The following FAM131B variants were observed in gnomAD, a reference collection of about 807,000 sequenced individuals.
FAM131B encodes family with sequence similarity 131 member B, also known as protein FAM131B.
In FAM131B, 19 loss-of-function variants were observed where a neutral mutation model predicts 42.0. That is an observed-to-expected ratio of 0.45 (90% CI 0.32 to 0.66). The LOEUF (loss-of-function observed/expected upper bound fraction) is 0.66. Ranked by LOEUF, FAM131B falls within the 30% of genes least tolerant of loss-of-function variation. The probability of loss-of-function intolerance (pLI) is 0.05; values close to 1 mark genes in which losing one functional copy is unlikely to be tolerated. For missense variants in FAM131B, 370 were observed against 468.4 expected (o/e 0.79, Z 1.94); for synonymous variants, 183 against 177.6 (o/e 1.03, Z -0.24).
the FAM131B span, among the ~76,000 whole-genome samples, chr7:143,371,184 C>T: frequency 4.6e-5 from 7 of 152,128 alleles, no homozygotes; most frequent in African/African-American, 7.2e-5. Context: ...CCTGCTGTCA[C>T]GGAGCTTATA....
Position 143,356,216 on chromosome 7 carries a change from A to G in FAM131B, c.*334T>C. On this transcript the variant is annotated 3_prime_UTR_variant, in exon 7 of 7. Coordinates refer to ENST00000443739, the MANE Select transcript of FAM131B (RefSeq NM_001031690.3). The surrounding 1 kb of genome is among the most constrained non-coding windows in gnomAD (Gnocchi z 4.4). Reference sequence around the variant, plus strand: ...CGTGAAGAACTGAGATCCAGTCTTGAGCACAGCTGCGCTGCCCCCGTCCTC... The same window carrying G: ...CGTGAAGAACTGAGATCCAGTCTTGGGCACAGCTGCGCTGCCCCCGTCCTC... 1 of 311,852 alleles carries G rather than the reference A, an allele frequency of 3.2e-6. No individual in the cohort carries two copies. The highest frequency in any genetic ancestry group is 5.8e-5 in the East Asian group (1 of 17,322). The allele number at this position is 311,852 out of a possible 1,614,324, so 19.3% of individuals were successfully genotyped here. A position where few individuals can be genotyped will look rare whatever the true frequency, so the allele number is the denominator to read the frequency against.
At chr7:143,365,611 G>C (rs1675886416), upstream of FAM131B, among the ~76,000 whole-genome samples, 1 of 152,024 alleles carries the variant, frequency 6.6e-6, no homozygotes, top group Non-Finnish European at 1.5e-5. Context: ...ATTTTGTTTT[G>C]TTTTGTTTTT....
the FAM131B span, chr7:143,380,946 G>T: frequency 2.9e-6 from 1 of 343,198 alleles, no homozygotes; most frequent in Non-Finnish European, 4.1e-6. The surrounding 1 kb of genome is among the most constrained non-coding windows in gnomAD (Gnocchi z 5.0). Context: ...CTACCTCGGC[G>T]GCACCCGCCC....
Position 143,359,320 on chromosome 7 carries a change from T to A in FAM131B, c.268+6A>T, listed in dbSNP as rs1803836829. Reference sequence around the variant, plus strand: ...TCTGAAGGCATTCTTACATCAGGAGTCTCACCTGAGAATGATGACTTGGCC... The same window carrying A: ...TCTGAAGGCATTCTTACATCAGGAGACTCACCTGAGAATGATGACTTGGCC... On this transcript the variant is annotated splice_donor_region_variant and intron_variant, in intron 4 of 6. Coordinates refer to ENST00000443739, the MANE Select transcript of FAM131B (RefSeq NM_001031690.3). This position sits in a 1 kb window ranked among gnomAD's most constrained non-coding sequence, Gnocchi z 5.4. The A allele has an allele frequency of 6.2e-7, 1 of 1,602,916 alleles. No individual in the cohort carries two copies.
At chr7:143,363,818 G>C (rs1163261901), upstream of FAM131B, 1 of 152,254 alleles carries the variant, frequency 6.6e-6, no homozygotes, top group Non-Finnish European at 1.5e-5. Context: ...GTTGCAGAGA[G>C]AGAAGGCAAT....
Position 143,358,121 on chromosome 7 carries a change from T to G in FAM131B, c.467-698A>C, listed in dbSNP as rs958222619. ...GGGGATGGGTAGACCTGGGGATCCCTATTCTAGTCAAATCCATGAGCGTGT... is the reference window on the plus strand; with the variant it reads ...GGGGATGGGTAGACCTGGGGATCCCGATTCTAGTCAAATCCATGAGCGTGT... On this transcript the variant is annotated intron_variant, in intron 5 of 6. Coordinates refer to ENST00000443739, the MANE Select transcript of FAM131B (RefSeq NM_001031690.3). This position sits in a 1 kb window ranked among gnomAD's most constrained non-coding sequence, Gnocchi z 4.7. Among the ~76,000 whole-genome samples, 1 of 152,138 alleles carries G rather than the reference T, an allele frequency of 6.6e-6. No homozygotes were observed. The highest frequency in any genetic ancestry group is 1.5e-5 in the Non-Finnish European group (1 of 68,026).
Position 143,356,589 on chromosome 7 carries a change from C to T in FAM131B, c.1044G>A (p.Val348=). The change falls in exon 7 of 7, where the codon GTG becomes GTA. Residue 348 remains valine, a synonymous_variant. Coordinates refer to ENST00000443739, the MANE Select transcript of FAM131B (RefSeq NM_001031690.3). The surrounding 1 kb of genome is among the most constrained non-coding windows in gnomAD (Gnocchi z 4.4). ...CGCCTTCCTCCTCATCAAAGGACTG[C>T]ACACCTGAGGATGTGACGTCAGACA... ...RKVSDVTSSG[V]QSFDEEEGEA... 9 of 1,613,948 alleles carry T rather than the reference C, an allele frequency of 5.6e-6. No homozygotes were observed. The highest frequency in any genetic ancestry group is 7.6e-6 in the Non-Finnish European group (9 of 1,180,002).
At chr7:143,382,217 C>T in the FAM131B span, 1 of 1,596,768 alleles carries the variant, frequency 6.3e-7, no homozygotes. Context: ...TAGAGGGACC[C>T]CGGCCGACGT....
chr7:143,380,923 A>T, the FAM131B span: 3 of 441,756 alleles, frequency 6.8e-6, no homozygotes, highest in Non-Finnish European at 9.0e-6. This position sits in a 1 kb window ranked among gnomAD's most constrained non-coding sequence, Gnocchi z 5.0. Flanking sequence ...GGAGGCGCAC[A>T]GGGGCTGCGT....
chr7:143,371,494 G>C, the FAM131B span, among the ~76,000 whole-genome samples: 5 of 151,570 alleles, frequency 3.3e-5, no homozygotes, highest in African/African-American at 1.2e-4. Context: ...CATGCCTGTG[G>C]TCCCAGCTAC....
At chr7:143,367,195 G>A (rs1586547460), upstream of FAM131B, among the ~76,000 whole-genome samples, 1 of 152,348 alleles carries the variant, frequency 6.6e-6, no homozygotes, top group African/African-American at 2.4e-5. Context: ...GGATGGCTCA[G>A]CCAGTTAGTT....
chr7:143,372,976 T>A, the FAM131B span, among the ~76,000 whole-genome samples: 5 of 151,684 alleles, frequency 3.3e-5, no homozygotes, highest in East Asian at 1.9e-4. Flanking sequence ...CATTAAAAAA[T>A]AATAATAATA....
chr7:143,376,835 G>C, the FAM131B span, among the ~76,000 whole-genome samples: 1 of 152,108 alleles, frequency 6.6e-6, no homozygotes, highest in African/African-American at 2.4e-5. Context: ...AAGATACAAC[G>C]GCTCTTTCAT....
At chr7:143,381,087 G>C in the FAM131B span, 3 of 564,450 alleles carry the variant, frequency 5.3e-6, no homozygotes, top group South Asian at 7.7e-5. Flanking sequence ...GGTCTGAGCC[G>C]GGCTGGGGCG....
the FAM131B span, chr7:143,380,552 C>T: frequency 3.0e-6 from 3 of 985,480 alleles, no homozygotes; most frequent in Non-Finnish European, 3.6e-6. The surrounding 1 kb of genome is among the most constrained non-coding windows in gnomAD (Gnocchi z 5.0). Flanking sequence ...CCGCCTCGGC[C>T]CCGCCCTCCC....
upstream of FAM131B, among the ~76,000 whole-genome samples, chr7:143,364,412 T>C (rs992309152): frequency 8.5e-5 from 13 of 152,130 alleles, no homozygotes; most frequent in African/African-American, 2.9e-4. Context: ...CACGTGGCCA[T>C]TATGCTCTTG....
chr7:143,362,092 C>A lies in FAM131B; in HGVS notation c.28+484G>T. The A allele has an allele frequency of 1.0e-6, 1 of 982,896 alleles. No individual in the cohort carries two copies. The highest frequency in any genetic ancestry group is 1.1e-4 in the East Asian group (1 of 8,942). 60.9% of individuals were successfully genotyped at this position (982,896 alleles called of 1,614,324 possible). A position where few individuals can be genotyped will look rare whatever the true frequency, so the allele number is the denominator to read the frequency against. ...AGGGAGAGAGAGATGGGGCAAAGCA[C>A]CCGAGCCAGATGGAGGCGGCGGCGG... On this transcript the variant is annotated intron_variant, in intron 1 of 6. Coordinates refer to ENST00000443739, the MANE Select transcript of FAM131B (RefSeq NM_001031690.3). The surrounding 1 kb of genome is among the most constrained non-coding windows in gnomAD (Gnocchi z 7.7).
chr7:143,359,216 C>A lies in FAM131B; in HGVS notation c.268+110G>T. 9.7e-7 allele frequency: 1 copy of A among 1,029,562 alleles called. No individual in the cohort carries two copies. The highest frequency in any genetic ancestry group is 1.4e-5 in the South Asian group (1 of 71,284). 63.8% of individuals were successfully genotyped at this position (1,029,562 alleles called of 1,614,324 possible). A position where few individuals can be genotyped will look rare whatever the true frequency, so the allele number is the denominator to read the frequency against. ...AGGCTTGACAGAAGGGTGAATAGGTCAGGGGGTGGGGATGAGGGTCTTCAT... is the reference window on the plus strand; with the variant it reads ...AGGCTTGACAGAAGGGTGAATAGGTAAGGGGGTGGGGATGAGGGTCTTCAT... On this transcript the variant is annotated intron_variant, in intron 4 of 6. Transcript: ENST00000443739. This position sits in a 1 kb window ranked among gnomAD's most constrained non-coding sequence, Gnocchi z 5.4.
chr7:143,359,374 T>G lies in FAM131B; in HGVS notation c.220A>C (p.Asn74His). 1 of 1,613,844 alleles carries G rather than the reference T, an allele frequency of 6.2e-7. No homozygotes were observed. The highest frequency in any genetic ancestry group is 8.5e-7 in the Non-Finnish European group (1 of 1,179,988). ...TTSILPKLKR[N>H]SNAYGIGALA... ...GCCCCAATGCCATAGGCGTTAGAGTTTCGCTTAAGCTTCGGAAGAATGGAA... is the reference window on the plus strand; with the variant it reads ...GCCCCAATGCCATAGGCGTTAGAGTGTCGCTTAAGCTTCGGAAGAATGGAA... The change falls in exon 4 of 7, where the codon AAC becomes CAC. Residue 74 changes from asparagine (N) to histidine (H), a missense_variant. Coordinates refer to ENST00000443739, the MANE Select transcript of FAM131B (RefSeq NM_001031690.3). The surrounding 1 kb of genome is among the most constrained non-coding windows in gnomAD (Gnocchi z 5.4).
Sources: allele counts gnomAD v4.1 joint callset (sites outside exome capture counted in the v4.1 genomes callset), GRCh38; gene constraint gnomAD v4.1.1; non-coding constraint Gnocchi (gnomAD v3.1); transcripts MANE v1.5; gene names NCBI Gene and HGNC (gene_info 2026-07-23, HGNC 2026-07-21).